The following LPA variants were observed in gnomAD, a reference collection of about 807,000 sequenced individuals.
The protein encoded by LPA is apolipoprotein(a).
Under a neutral mutation model 197.9 loss-of-function variants are expected in LPA, and 199 were observed. The observed-to-expected ratio is 1.01, with a 90% CI of 0.90 to 1.13. The LOEUF is 1.13. Ranked by LOEUF, LPA falls within the 50% of genes most tolerant of loss-of-function variation. The pLI, the probability that LPA is intolerant of heterozygous loss-of-function variation, is 0.00. For missense variants in LPA, 1,853 were observed against 1,785.8 expected (o/e 1.04, Z -0.68); for synonymous variants, 715 against 639.5 (o/e 1.12, Z -1.78).
At chr6:160,661,485 G>A (rs1468183468) in intron 1 of LPA, among the ~76,000 whole-genome samples, 2 of 152,170 alleles carry the variant, frequency 1.3e-5, no homozygotes, top group African/African-American at 2.4e-5. Flanking sequence ...TTCTCAGAAA[G>A]GCCTGTCCTG....
intron 16 of LPA, among the ~76,000 whole-genome samples, chr6:160,609,817 G>T (rs1402670073): frequency 1.3e-5 from 2 of 151,870 alleles, no homozygotes; most frequent in Non-Finnish European, 1.5e-5. Context: ...ATGTGTGTGT[G>T]TATGGGTGTG....
intron 37 of LPA, among the ~76,000 whole-genome samples, chr6:160,537,389 A>G (rs1400326513): frequency 6.6e-6 from 1 of 152,206 alleles, no homozygotes; most frequent in Non-Finnish European, 1.5e-5. Context: ...TTTGGGAAGA[A>G]GAATAGTTTA....
chr6:160,564,460 C>G (rs1778415188), intron 28 of LPA, among the ~76,000 whole-genome samples: 1 of 152,082 alleles, frequency 6.6e-6, no homozygotes, highest in Non-Finnish European at 1.5e-5. Flanking sequence ...TTTTGGAATT[C>G]AGACTGGCTT....
intron 22 of LPA, 41 bp downstream of exon 22, chr6:160,593,917 G>A: frequency 1.2e-6 from 2 of 1,610,584 alleles, no homozygotes; most frequent in Non-Finnish European, 1.7e-6. Context: ...AGAAATGTAA[G>A]GGGGCTGCTG....
At chr6:160,609,688 ATCT>A (rs1475707791) in intron 16 of LPA, among the ~76,000 whole-genome samples, 4 of 151,842 alleles carry the variant, frequency 2.6e-5, no homozygotes, top group Admixed American at 1.3e-4. Flanking sequence ...CATGCAGGAA[ATCT>A]TCTTATATTT....
intron 16 of LPA, among the ~76,000 whole-genome samples, chr6:160,610,714 C>A (rs1392893989): frequency 1.3e-5 from 2 of 152,084 alleles, no homozygotes; most frequent in Admixed American, 6.5e-5. Context: ...AACTCCAATC[C>A]CTCTCCTCTG....
chr6:160,575,828 C>T (rs1761200694), intron 28 of LPA, among the ~76,000 whole-genome samples: 1 of 152,150 alleles, frequency 6.6e-6, no homozygotes, highest in Non-Finnish European at 1.5e-5. Context: ...TGTGCATATG[C>T]AGATTTATAT....
chr6:160,600,860 A>G, intron 19 of LPA, 57 bp downstream of exon 19: 1 of 1,573,772 alleles, frequency 6.4e-7, no homozygotes, highest in Non-Finnish European at 8.7e-7. Context: ...CAGTGGGGGT[A>G]TCCATGGCTT....
intron 28 of LPA, among the ~76,000 whole-genome samples, chr6:160,562,706 T>A (rs1038741603): frequency 6.6e-6 from 1 of 152,210 alleles, no homozygotes; most frequent in Non-Finnish European, 1.5e-5. Context: ...CTGGGCTTTT[T>A]TTGGTTGGTA....
At chr6:160,547,997 C>A (rs1778103144) in intron 31 of LPA, 60 bp from the exon 32 acceptor site, 1 of 1,562,836 alleles carries the variant, frequency 6.4e-7, no homozygotes, top group Admixed American at 1.7e-5. Context: ...CCACATAGAC[C>A]CAGGACGATA....
chr6:160,584,512 C>T (rs1056800017), intron 26 of LPA, among the ~76,000 whole-genome samples: 9 of 151,336 alleles, frequency 5.9e-5, no homozygotes, highest in Admixed American at 5.3e-4. Flanking sequence ...TTTAATTTTT[C>T]GTAGAGATGG....
At chr6:160,555,555 A>G (rs1778248787) in intron 30 of LPA, among the ~76,000 whole-genome samples, 1 of 149,650 alleles carries the variant, frequency 6.7e-6, no homozygotes, top group Non-Finnish European at 1.5e-5. Flanking sequence ...GAACATATAT[A>G]TGTATATATA....
intron 34 of LPA, among the ~76,000 whole-genome samples, chr6:160,541,768 A>G (rs1777985274): frequency 6.6e-6 from 1 of 152,246 alleles, no homozygotes; most frequent in South Asian, 2.1e-4. Context: ...TAGGAAGTGC[A>G]TGATGGCAGT....
At chr6:160,563,537 T>C (rs1397235258) in intron 28 of LPA, among the ~76,000 whole-genome samples, 1 of 152,224 alleles carries the variant, frequency 6.6e-6, no homozygotes, top group Non-Finnish European at 1.5e-5. Flanking sequence ...GAAGAATGTA[T>C]ATTCTGTTGA....
At chr6:160,661,636 C>T (rs1239453664) in intron 1 of LPA, among the ~76,000 whole-genome samples, 2 of 152,190 alleles carry the variant, frequency 1.3e-5, no homozygotes, top group Non-Finnish European at 2.9e-5. Context: ...ATGCTCTATG[C>T]TGGAAAACTG....
chr6:160,605,026 G>A lies in LPA; in HGVS notation c.2945+20C>T, dbSNP rs1252384012. 1 of 1,612,922 alleles carries A rather than the reference G, an allele frequency of 6.2e-7. No individual in the cohort carries two copies. The highest frequency in any genetic ancestry group is 8.5e-7 in the Non-Finnish European group (1 of 1,179,606). ...TTCCACTGACCCTTCCTTCACTTAT[G>A]GTAAAGAAAATAGACATACGCATTT... On this transcript the variant is annotated intron_variant, in intron 18 of 38. Transcript: ENST00000316300.
intron 7 of LPA, among the ~76,000 whole-genome samples, chr6:160,634,635 T>A (rs1463096980): frequency 2.0e-5 from 3 of 149,762 alleles, no homozygotes; most frequent in African/African-American, 7.6e-5. Flanking sequence ...CATTGGGAGC[T>A]CATATACTGC....
intron 18 of LPA, among the ~76,000 whole-genome samples, chr6:160,601,827 C>T (rs9457949): frequency 0.051 from 7,713 of 152,210 alleles, 689 homozygotes; most frequent in African/African-American, 0.18. Flanking sequence ...GCTCTCAGTC[C>T]ATCCTCTGCT....
chr6:160,579,771 C>A (rs1001918085), intron 26 of LPA, among the ~76,000 whole-genome samples: 5 of 152,166 alleles, frequency 3.3e-5, no homozygotes, highest in African/African-American at 4.8e-5. Context: ...CACATGTGAC[C>A]TAGTCTCAAG....
Sources: allele counts gnomAD v4.1 joint callset (sites outside exome capture counted in the v4.1 genomes callset), GRCh38; gene constraint gnomAD v4.1.1; transcripts MANE v1.5; gene names NCBI Gene and HGNC (gene_info 2026-07-23, HGNC 2026-07-21).